The following PTGS2 variants were observed in gnomAD, a reference collection of about 807,000 sequenced individuals.
The protein encoded by PTGS2 is prostaglandin G/H synthase 2.
A neutral mutation model predicts 63.8 loss-of-function variants in PTGS2; 14 were observed. The ratio of observed to expected loss-of-function variants is 0.22; its 90% CI spans 0.14 to 0.34. The LOEUF is 0.34. Ranked by LOEUF, PTGS2 falls within the 10% of genes least tolerant of loss-of-function variation. The pLI, the probability that PTGS2 is intolerant of heterozygous loss-of-function variation, is 1.00. For missense variants in PTGS2, 533 were observed against 738.5 expected, an observed-to-expected ratio of 0.72 and a Z score of 3.23; for synonymous variants, 271 against 259.5, an observed-to-expected ratio of 1.04 and a Z score of -0.43.
At position 186,676,660 on chromosome 1, in the gene PTGS2, C is replaced by T; in HGVS notation, c.777G>A (p.Met259Ile). Residue 259 changes from methionine to isoleucine, a missense_variant, in exon 7 of 10, where the codon ATG becomes ATA. Met to Ile is a conservative substitution (Grantham distance 10, BLOSUM62 1). Coordinates refer to ENST00000367468, the MANE Select transcript of PTGS2 (RefSeq NM_000963.4). ...PPTVKDTQAEMIYPPQVPEHL... is the reference protein window; with the variant it reads ...PPTVKDTQAEIIYPPQVPEHL... ...GCTCAGGGACTTGAGGAGGGTAGAT[C>T]ATCTCTGCCTGAGTATCTTTGACTG... is the stretch of plus-strand genomic sequence containing the variant. The T allele has an allele frequency of 6.2e-7, 1 of 1,614,052 alleles. No homozygotes were observed.
Position 186,676,715 on chromosome 1 carries a change from T to TA in PTGS2, c.724-3dup, listed in dbSNP as rs1382693778. 3.1e-6 allele frequency: 5 copies of TA among 1,598,058 alleles called. No homozygotes were observed. The highest frequency in any genetic ancestry group is 4.3e-6 in the Non-Finnish European group (5 of 1,174,038). On this transcript the variant is annotated splice_region_variant and splice_polypyrimidine_tract_variant and intron_variant, in intron 6 of 9. Coordinates refer to ENST00000367468, the MANE Select transcript of PTGS2 (RefSeq NM_000963.4). ...AGGATACATCTCTCCATCAATTATCTAAAAAAATAAATAAATAAATAAACA... is the reference window on the plus strand; with the variant it reads ...AGGATACATCTCTCCATCAATTATCTAAAAAAAATAAATAAATAAATAAACA...
chr1:186,672,944 G>A lies in PTGS2; in HGVS notation c.*1409C>T, dbSNP rs1414979176. ...AAGAGGAGCTAAATAGCAGTCCTGAGCTGAGGTTTACCTGAAAACTTGCAA... is the reference window on the plus strand; with the variant it reads ...AAGAGGAGCTAAATAGCAGTCCTGAACTGAGGTTTACCTGAAAACTTGCAA... On this transcript the variant is annotated 3_prime_UTR_variant, in exon 10 of 10. Transcript: ENST00000367468. 2 of 151,956 alleles carry A rather than the reference G, an allele frequency of 1.3e-5. No homozygotes were observed. Among genetic ancestry groups the A allele is most frequent in the East Asian group, 1.9e-4 (1 of 5,196 alleles). The allele number at this position is 151,956 out of a possible 1,614,324, so 9.4% of individuals were successfully genotyped here. A position where few individuals can be genotyped will look rare whatever the true frequency, so the allele number is the denominator to read the frequency against.
At chr1:186,676,444 A>C (rs376638034) in intron 7 of PTGS2, 23 bp downstream of exon 7, 17 of 1,609,536 alleles carry the variant, frequency 1.1e-5, no homozygotes, top group Non-Finnish European at 1.2e-5. Context: ...AGAGGGTTTT[A>C]TATAAATCAT....
At chr1:186,678,128 A>T (rs1665813370) in intron 4 of PTGS2, 133 bp downstream of exon 4, 3 of 928,700 alleles carry the variant, frequency 3.2e-6, no homozygotes, top group Non-Finnish European at 4.6e-6. Context: ...AAAAATACCC[A>T]TAGATAACCA....
At position 186,680,362 on chromosome 1, in the gene PTGS2, G is replaced by T; in HGVS notation, c.-72C>A. ...AGGGCGTCTGGCTGTGGAGCTGAAG[G>T]AGGCGCTGCTGAGGAGTTCCTGGAC... On this transcript the variant is annotated 5_prime_UTR_variant, in exon 1 of 10. Transcript: ENST00000367468. 1 of 1,227,194 alleles carries T rather than the reference G, an allele frequency of 8.1e-7. No homozygotes were observed. The highest frequency in any genetic ancestry group is 1.1e-6 in the Non-Finnish European group (1 of 889,282). 76.0% of individuals were successfully genotyped at this position (1,227,194 alleles called of 1,614,324 possible).
chr1:186,676,282 TTC>T lies in PTGS2; in HGVS notation c.971-100_971-99del, dbSNP rs1455833862. On this transcript the variant is annotated intron_variant, in intron 7 of 9. Coordinates refer to ENST00000367468, the MANE Select transcript of PTGS2 (RefSeq NM_000963.4). ...TTTTTAAAATTTGCTATTCCTTCAT[TTC>T]TGTTTTCTTCCTTGTCAGTATCAAA... 3.6e-6 allele frequency: 5 copies of T among 1,384,312 alleles called. No homozygotes were observed. In the South Asian group the frequency reaches 5.8e-5, roughly 16 times the overall value. 85.8% of individuals were successfully genotyped at this position (1,384,312 alleles called of 1,614,324 possible).
At chr1:186,676,440 T>G in intron 7 of PTGS2, 27 bp downstream of exon 7, 1 of 1,607,462 alleles carries the variant, frequency 6.2e-7, no homozygotes, top group South Asian at 1.1e-5. Flanking sequence ...GGGAAGAGGG[T>G]TTTATATAAA....
rs751430176 is a variant in PTGS2, at chr1:186,680,285, G to C, written c.6C>G (p.Leu2=). The C allele has an allele frequency of 6.5e-7, 1 of 1,543,246 alleles. No individual in the cohort carries two copies. The highest frequency in any genetic ancestry group is 8.7e-7 in the Non-Finnish European group (1 of 1,143,278). ...CCGCGCACAGCAGCAGGGCGCGGGC[G>C]AGCATCGCAGCGGCGGGCAGGGCGC... is the stretch of plus-strand genomic sequence containing the variant. The part of the protein sequence containing the change: M[L]ARALLLCAVL... Residue 2 remains leucine, a synonymous_variant, in exon 1 of 10, where the codon CTC becomes CTG. Transcript: ENST00000367468.
intron 4 of PTGS2, 76 bp from the exon 5 acceptor site, chr1:186,677,906 G>T: frequency 1.5e-6 from 2 of 1,371,986 alleles, no homozygotes; most frequent in Non-Finnish European, 2.0e-6. Context: ...AATCTACCAA[G>T]AATTCTTCAT....
At chr1:186,678,223 T>C (rs764071732) in intron 4 of PTGS2, 38 bp downstream of exon 4, 15 of 1,546,164 alleles carry the variant, frequency 9.7e-6, no homozygotes, top group Non-Finnish European at 2.6e-6. Context: ...CAGCCCGTCT[T>C]ATAGTTAATA....
intron 5 of PTGS2, 125 bp from the exon 6 acceptor site, chr1:186,677,041 T>G: frequency 1.4e-6 from 1 of 715,652 alleles, no homozygotes; most frequent in Non-Finnish European, 2.2e-6. Flanking sequence ...TTAAATAAAA[T>G]ATACATTTTT....
In PTGS2 at chr1:186,674,104, G is replaced by C. The variant is rs540976562; in HGVS notation, c.*249C>G. ...TAAGTTGAAATTCAAGTAAAAAGAC[G>C]TCAAAACTCATTTCTCTCTGGTTTA... On this transcript the variant is annotated 3_prime_UTR_variant, in exon 10 of 10. Coordinates refer to ENST00000367468, the MANE Select transcript of PTGS2 (RefSeq NM_000963.4). 1 of 200,448 alleles carries C rather than the reference G, an allele frequency of 5.0e-6. No individual in the cohort carries two copies. The highest frequency in any genetic ancestry group is 9.9e-6 in the Non-Finnish European group (1 of 101,476). 12.4% of individuals were successfully genotyped at this position (200,448 alleles called of 1,614,324 possible).
rs1321494254 is a variant in PTGS2 at position 186,676,914 on chromosome 1, C to T, written c.642G>A (p.Val214=). ...TTTCACCGTAAATATGATTTAAGTCCACCTAGAAAATGATGAAAAAATTTT... is the reference window on the plus strand; with the variant it reads ...TTTCACCGTAAATATGATTTAAGTCTACCTAGAAAATGATGAAAAAATTTT... ...PAFTNGLGHG[V]DLNHIYGETL... is the part of the protein sequence containing the mutation. The change falls in exon 6 of 10, where the codon GTG becomes GTA. Residue 214 remains valine, a splice_region_variant and synonymous_variant. Coordinates refer to ENST00000367468, the MANE Select transcript of PTGS2 (RefSeq NM_000963.4). 6 of 1,600,254 alleles carry T rather than the reference C, an allele frequency of 3.7e-6. No individual in the cohort carries two copies. The highest frequency in any genetic ancestry group is 4.5e-5 in the East Asian group (2 of 44,484).
chr1:186,675,939 T>A lies in PTGS2; in HGVS notation c.1216A>T (p.Thr406Ser), dbSNP rs765917214. The A allele has an allele frequency of 3.1e-6, 5 of 1,613,914 alleles. No individual in the cohort carries two copies. The highest frequency in any genetic ancestry group is 1.7e-6 in the Non-Finnish European group (2 of 1,179,930). Residue 406 changes from threonine (T) to serine (S), a missense_variant, in exon 8 of 10, where the codon ACC becomes TCC. By Grantham distance (58) the Thr-to-Ser change is moderately conservative. Around this residue, in one of 5 missense-constraint regions of PTGS2, gnomAD observed 219 missense variants for 267.4 expected, o/e 0.82. Transcript: ENST00000367468. Reference protein sequence around the residue: ...NNSILLEHGITQFVESFTRQI... With the variant: ...NNSILLEHGISQFVESFTRQI... ...CTGGTGAATGATTCAACAAACTGGG[T>A]AATTCCATGTTCCAGCAATATAGAG...
At chr1:186,676,967 T>C (rs1378631084) in intron 5 of PTGS2, 51 bp from the exon 6 acceptor site, 8 of 1,338,404 alleles carry the variant, frequency 6.0e-6, no homozygotes, top group Middle Eastern at 2.6e-4. Flanking sequence ...GTTTTTCTTA[T>C]ATAAAGTGTC....
At position 186,676,719 on chromosome 1, in the gene PTGS2, AAAAT is replaced by A. The variant is rs2066822; in HGVS notation, c.724-10_724-7del. 0.048 allele frequency: 77,134 copies of A among 1,599,262 alleles called. 2,184 individuals are homozygous for A. Among genetic ancestry groups the A allele is most frequent in the Non-Finnish European group, 0.055 (64,398 of 1,174,056 alleles). On this transcript the variant is annotated splice_region_variant and splice_polypyrimidine_tract_variant and intron_variant, in intron 6 of 9. Coordinates refer to ENST00000367468, the MANE Select transcript of PTGS2 (RefSeq NM_000963.4). ...TACATCTCTCCATCAATTATCTAAAAAAATAAATAAATAAATAAACATCAGTTAA... is the reference window on the plus strand; with the variant it reads ...TACATCTCTCCATCAATTATCTAAAAAAATAAATAAATAAACATCAGTTAA...
intron 3 of PTGS2, among the ~76,000 whole-genome samples, chr1:186,678,708 G>A (rs1256477729): frequency 1.3e-5 from 2 of 152,160 alleles, no homozygotes; most frequent in Non-Finnish European, 2.9e-5. Context: ...TAGAATCATG[G>A]AAAGTTATTT....
Position 186,676,454 on chromosome 1 carries a change from T to C in PTGS2, c.970+13A>G, listed in dbSNP as rs2102005838. ...GGGGAAGAGGGTTTTATATAAATCA[T>C]TTTCTTGTTTACCTATCAGTATTAG... On this transcript the variant is annotated intron_variant, in intron 7 of 9. Transcript: ENST00000367468. 2 of 1,610,628 alleles carry C rather than the reference T, an allele frequency of 1.2e-6. No homozygotes were observed. Among genetic ancestry groups the C allele is most frequent in the Non-Finnish European group, 1.7e-6 (2 of 1,177,532 alleles).
At chr1:186,679,788 T>G (rs1665843904) in intron 1 of PTGS2, among the ~76,000 whole-genome samples, 1 of 152,110 alleles carries the variant, frequency 6.6e-6, no homozygotes, top group Admixed American at 6.5e-5. Context: ...TAGGGAAAAA[T>G]TCAAAGTAAA....
Sources: gnomAD v4.1 joint callset for allele counts (sites outside exome capture counted in the v4.1 genomes callset) on GRCh38, gnomAD v4.1.1 for gene constraint, gnomAD v4.1.1 regional missense constraint, MANE v1.5 for transcripts, NCBI Gene and HGNC (gene_info 2026-07-23, HGNC 2026-07-21) for gene names.